MBLAC2: variants seen among roughly 807,000 people sequenced by gnomAD.
MBLAC2 encodes acyl-coenzyme A thioesterase MBLAC2.
Under a neutral mutation model 23.3 loss-of-function variants are expected in MBLAC2, and 24 were observed. That is an observed-to-expected ratio of 1.03 (90% CI 0.75 to 1.45). The LOEUF (loss-of-function observed/expected upper bound fraction) is 1.45, where lower values mean the gene tolerates loss of function less well. MBLAC2 is among the 40% of genes most tolerant of loss of function. The pLI is 0.00. For missense variants in MBLAC2, 358 were observed against 370.0 expected, an observed-to-expected ratio of 0.97 and a Z score of 0.27; for synonymous variants, 162 against 150.9, an observed-to-expected ratio of 1.07 and a Z score of -0.54.
intron 1 of MBLAC2, among the ~76,000 whole-genome samples, chr5:90,465,958 T>C (rs1750439301): frequency 6.6e-6 from 1 of 152,204 alleles, no homozygotes; most frequent in Non-Finnish European, 1.5e-5. Context: ...CTTGATCTTT[T>C]TTCGAAGAAA....
intron 1 of MBLAC2, chr5:90,472,490 G>A (rs1407620209): frequency 6.6e-6 from 1 of 151,350 alleles, no homozygotes; most frequent in African/African-American, 2.4e-5. Flanking sequence ...TGGGTGTGAG[G>A]TACAGAATCT....
Position 90,474,101 on chromosome 5 carries a change from C to T in MBLAC2, c.192G>A (p.Gln64=). Reference sequence around the variant, plus strand: ...CCGCGTCCTCTTTGGCCTCTCGGTCCTGCAAGAGGCCGGAGGAGTACAGGT... The same window carrying T: ...CCGCGTCCTCTTTGGCCTCTCGGTCTTGCAAGAGGCCGGAGGAGTACAGGT... The part of the protein sequence containing the change: ...PEYLYSSGLL[Q]DREAKEDAAR... The change falls in exon 1 of 2, where the codon CAG becomes CAA. Residue 64 remains glutamine, a synonymous_variant. Transcript: ENST00000316610. 1 of 1,576,336 alleles carries T rather than the reference C, an allele frequency of 6.3e-7. No individual in the cohort carries two copies. Among genetic ancestry groups the T allele is most frequent in the African/African-American group, 1.3e-5 (1 of 74,532 alleles).
In MBLAC2 at chr5:90,470,460, T is replaced by C. The variant is rs568839280; in HGVS notation, c.454+3379A>G. 3.9e-5 allele frequency among the ~76,000 whole-genome samples: 6 copies of C among 152,100 alleles called. No individual in the cohort carries two copies. The East Asian group carries it at 9.7e-4, about 25-fold the overall frequency. On this transcript the variant is annotated intron_variant, in intron 1 of 1. Coordinates refer to ENST00000316610, the MANE Select transcript of MBLAC2 (RefSeq NM_203406.2). ...AATATCACACGTACCCCATAAGTAA[T>C]TACAACTATTAGGTATCAATTAAAA...
At position 90,474,107 on chromosome 5, in the gene MBLAC2, G is replaced by A. The variant is rs1203817432; in HGVS notation, c.186C>T (p.Leu62=). The change falls in exon 1 of 2, where the codon CTC becomes CTT. Residue 62 remains leucine, a synonymous_variant. Transcript: ENST00000316610. The part of the protein sequence containing the change: ...SLPEYLYSSG[L]LQDREAKEDA... ...CCTCTTTGGCCTCTCGGTCCTGCAA[G>A]AGGCCGGAGGAGTACAGGTACTCCG... 1 of 1,577,354 alleles carries A rather than the reference G, an allele frequency of 6.3e-7. No individual in the cohort carries two copies. Among genetic ancestry groups the A allele is most frequent in the Non-Finnish European group, 8.6e-7 (1 of 1,161,534 alleles).
chr5:90,471,493 T>G (rs1192168208), intron 1 of MBLAC2, among the ~76,000 whole-genome samples: 8 of 152,206 alleles, frequency 5.3e-5, no homozygotes, highest in Non-Finnish European at 1.2e-4. Context: ...GGCGAGTTGC[T>G]TTTTTATCCA....
intron 1 of MBLAC2, among the ~76,000 whole-genome samples, chr5:90,468,333 T>G (rs1168581859): frequency 6.6e-6 from 1 of 152,184 alleles, no homozygotes; most frequent in East Asian, 1.9e-4. Context: ...CACCAATTGT[T>G]CTTAGACTTG....
chr5:90,471,928 T>C (rs1377220275), intron 1 of MBLAC2: 1 of 152,216 alleles, frequency 6.6e-6, no homozygotes, highest in African/African-American at 2.4e-5. Flanking sequence ...AAGTGTTTGG[T>C]AAACATTAAG....
At chr5:90,465,296 T>C (rs1372150685) in intron 1 of MBLAC2, among the ~76,000 whole-genome samples, 1 of 152,204 alleles carries the variant, frequency 6.6e-6, no homozygotes, top group Non-Finnish European at 1.5e-5. Flanking sequence ...TGTTTTGTAA[T>C]ATATGAACAC....
intron 1 of MBLAC2, among the ~76,000 whole-genome samples, chr5:90,469,676 T>G (rs1361908117): frequency 6.6e-6 from 1 of 152,152 alleles, no homozygotes; most frequent in Non-Finnish European, 1.5e-5. Flanking sequence ...GTTGCCTATT[T>G]AAGAGTTGGG....
chr5:90,461,900 A>C (rs1485353684), intron 1 of MBLAC2, among the ~76,000 whole-genome samples: 1 of 152,220 alleles, frequency 6.6e-6, no homozygotes, highest in Non-Finnish European at 1.5e-5. Context: ...AGCTTTTATT[A>C]TATGAATGTA....
At position 90,460,572 on chromosome 5, in the gene MBLAC2, T is replaced by A. The variant is rs761231746; in HGVS notation, c.*595A>T. 6.6e-6 allele frequency: 1 copy of A among 152,566 alleles called. No individual in the cohort carries two copies. The highest frequency in any genetic ancestry group is 1.5e-5 in the Non-Finnish European group (1 of 67,982). 9.5% of individuals were successfully genotyped at this position (152,566 alleles called of 1,614,324 possible). ...TTTAAAGCTTTGCAATAAAGCAAAA[T>A]TCACTGTACTTTTCATAAGTTATAT... On this transcript the variant is annotated 3_prime_UTR_variant, in exon 2 of 2. Transcript: ENST00000316610.
At chr5:90,463,412 C>T (rs1750398818) in intron 1 of MBLAC2, among the ~76,000 whole-genome samples, 3 of 151,568 alleles carry the variant, frequency 2.0e-5, no homozygotes, top group African/African-American at 7.3e-5. Context: ...TTTTAATAGA[C>T]AAAAAATAAC....
rs777618177 is a variant in MBLAC2 at position 90,473,991 on chromosome 5, T to G, written c.302A>C (p.His101Pro). 1.3e-6 allele frequency: 2 copies of G among 1,598,206 alleles called. No homozygotes were observed. The highest frequency in any genetic ancestry group is 1.8e-5 in the Admixed American group (1 of 57,066). ...GLYQFDRVAV[H>P]HAEAEALARG... ...AGCCAGCGCCTCGGCCTCGGCGTGG[T>G]GCACTGCCACGCGGTCGAACTGGTA... is the stretch of plus-strand genomic sequence containing the variant. The change falls in exon 1 of 2, where the codon CAC (histidine) becomes CCC (proline). Residue 101 changes from histidine (H) to proline (P), a missense_variant. By Grantham distance (77) the His-to-Pro change is moderately conservative. Transcript: ENST00000316610.
At position 90,459,282 on chromosome 5, in the gene MBLAC2, TTTGA is replaced by T. The variant is rs1750315951; in HGVS notation, c.*1881_*1884del. The stretch of plus-strand genomic sequence containing the variant: ...TAATTGAACCAATCATACCCTCCTT[TTTGA>T]TTGAAGTAAAGGTTCATTTGGTGGC... On this transcript the variant is annotated 3_prime_UTR_variant, in exon 2 of 2. Transcript: ENST00000316610. 1 of 152,572 alleles carries T rather than the reference TTTGA, an allele frequency of 6.6e-6. No homozygotes were observed. The highest frequency in any genetic ancestry group is 2.4e-5 in the African/African-American group (1 of 41,460). 9.5% of individuals were successfully genotyped at this position (152,572 alleles called of 1,614,324 possible). A position where few individuals can be genotyped will look rare whatever the true frequency, so the allele number is the denominator to read the frequency against.
chr5:90,464,163 G>T (rs571344077), intron 1 of MBLAC2, among the ~76,000 whole-genome samples: 7 of 152,100 alleles, frequency 4.6e-5, no homozygotes, highest in African/African-American at 1.4e-4. Flanking sequence ...TTTTATAACG[G>T]GACAATTTCA....
At chr5:90,464,388 T>C (rs755333271) in intron 1 of MBLAC2, among the ~76,000 whole-genome samples, 5 of 151,858 alleles carry the variant, frequency 3.3e-5, no homozygotes, top group Non-Finnish European at 5.9e-5. Flanking sequence ...CTCGGCAAAA[T>C]AGTGAGACCT....
chr5:90,459,303 T>C lies in MBLAC2; in HGVS notation c.*1864A>G, dbSNP rs917497807. 1 of 152,492 alleles carries C rather than the reference T, an allele frequency of 6.6e-6. No individual in the cohort carries two copies. The allele number at this position is 152,492 out of a possible 1,614,324, so 9.4% of individuals were successfully genotyped here. On this transcript the variant is annotated 3_prime_UTR_variant, in exon 2 of 2. Coordinates refer to ENST00000316610, the MANE Select transcript of MBLAC2 (RefSeq NM_203406.2). The stretch of plus-strand genomic sequence containing the variant: ...CCTTTTTGATTGAAGTAAAGGTTCA[T>C]TTGGTGGCATGTGGCAGTTCAGCTT...
In MBLAC2 at chr5:90,458,262, A is replaced by G. The variant is rs928244049; in HGVS notation, c.*2905T>C. 2.0e-5 allele frequency: 3 copies of G among 152,220 alleles called. No homozygotes were observed. Among genetic ancestry groups the G allele is most frequent in the South Asian group, 2.1e-4 (1 of 4,834 alleles). 9.4% of individuals were successfully genotyped at this position (152,220 alleles called of 1,614,324 possible). A position where few individuals can be genotyped will look rare whatever the true frequency, so the allele number is the denominator to read the frequency against. ...GCTTAGTTACACTTATCTGAAAATT[A>G]TAATAGGACAATTGGTGCATGTCAC... On this transcript the variant is annotated 3_prime_UTR_variant, in exon 2 of 2. Coordinates refer to ENST00000316610, the MANE Select transcript of MBLAC2 (RefSeq NM_203406.2).
Position 90,461,351 on chromosome 5 carries a change from A to C in MBLAC2, c.656T>G (p.Val219Gly), listed in dbSNP as rs1191560428. 1.8e-5 allele frequency: 29 copies of C among 1,614,204 alleles called. No individual in the cohort carries two copies. The highest frequency in any genetic ancestry group is 2.5e-5 in the Non-Finnish European group (29 of 1,180,020). Reference protein sequence around the residue: ...VGTCERLIELVDRGLVEKVLP... With the variant: ...VGTCERLIELGDRGLVEKVLP... The stretch of plus-strand genomic sequence containing the variant: ...CACCTTCTCTACCAGACCTCTGTCC[A>C]CTAATTCTATTAGACGTTCACAAGT... Residue 219 changes from valine (V) to glycine (G), a missense_variant, in exon 2 of 2, where the codon GTG becomes GGG. Transcript: ENST00000316610.
Sources: gnomAD v4.1 joint callset for allele counts (sites outside exome capture counted in the v4.1 genomes callset) on GRCh38, gnomAD v4.1.1 for gene constraint, MANE v1.5 for transcripts, NCBI Gene and HGNC (gene_info 2026-07-23, HGNC 2026-07-21) for gene names.